The following LRP12 variants were observed in gnomAD, a reference collection of about 807,000 sequenced individuals.
LRP12 encodes the protein low-density lipoprotein receptor-related protein 12.
LRP12 carries 14 observed loss-of-function variants against 66.0 expected under a neutral mutation model. The ratio of observed to expected loss-of-function variants is 0.21; its 90% CI spans 0.14 to 0.33. The LOEUF (loss-of-function observed/expected upper bound fraction) is 0.33, where lower values mean the gene tolerates loss of function less well. Among genes scored for constraint, LRP12 ranks in the 10% least tolerant of loss-of-function variants. LRP12 has a pLI of 1.00. For synonymous variants in LRP12, 357 were observed against 359.1 expected, an observed-to-expected ratio of 0.99 and a Z score of 0.07; for missense variants, 889 against 1,053.4, an observed-to-expected ratio of 0.84 and a Z score of 2.16.
Position 104,490,745 on chromosome 8 carries a change from C to G in LRP12, c.2508G>C (p.Gln836His). ...CERCGIVHTA[Q>H]IPDTCLEVTL... The stretch of plus-strand genomic sequence containing the variant: ...TTACTTCTAAGCAAGTGTCTGGTAT[C>G]TGGGCAGTGTGGACAATACCACAGC... Residue 836 changes from glutamine (Q) to histidine (H), a missense_variant, in exon 7 of 7, where the codon CAG becomes CAC. Around this residue, in one of 3 missense-constraint regions of LRP12, gnomAD observed 800 missense variants for 964.5 expected, o/e 0.83. Coordinates refer to ENST00000276654, the MANE Select transcript of LRP12 (RefSeq NM_013437.5). 1.9e-6 allele frequency: 3 copies of G among 1,614,056 alleles called. No homozygotes were observed. The highest frequency in any genetic ancestry group is 2.5e-6 in the Non-Finnish European group (3 of 1,179,996).
intron 1 of LRP12, among the ~76,000 whole-genome samples, chr8:104,542,708 GTTGA>G (rs1811497168): frequency 6.6e-6 from 1 of 152,044 alleles, no homozygotes; most frequent in Non-Finnish European, 1.5e-5. Flanking sequence ...AACACAAACA[GTTGA>G]TTAACACATA....
rs529896911 is a variant in LRP12 at position 104,515,347 on chromosome 8, G to A, written c.137-6273C>T. Among the ~76,000 whole-genome samples, 20 of 152,250 alleles carry A rather than the reference G, an allele frequency of 1.3e-4. No individual in the cohort carries two copies. In the South Asian group the frequency reaches 1.7e-3, roughly 13 times the overall value. On this transcript the variant is annotated intron_variant, in intron 2 of 6. Coordinates refer to ENST00000276654, the MANE Select transcript of LRP12 (RefSeq NM_013437.5). ...ATTGGCAAATAAATAAATCTTGTCA[G>A]TACAATGCAAAATTATGTAAGATCT...
intron 1 of LRP12, among the ~76,000 whole-genome samples, chr8:104,570,847 AG>A (rs1223205005): frequency 6.6e-6 from 1 of 152,170 alleles, no homozygotes; most frequent in East Asian, 1.9e-4. Flanking sequence ...ACAGATTCAG[AG>A]GGGGGAAAAA....
intron 1 of LRP12, among the ~76,000 whole-genome samples, chr8:104,542,602 C>T (rs1223313257): frequency 6.6e-6 from 1 of 152,122 alleles, no homozygotes; most frequent in African/African-American, 2.4e-5. Context: ...GTTAGGGGTG[C>T]TAACCCTTCT....
chr8:104,558,304 TAC>T (rs765080457), intron 1 of LRP12, among the ~76,000 whole-genome samples: 6 of 152,036 alleles, frequency 3.9e-5, no homozygotes, highest in Non-Finnish European at 7.4e-5. Context: ...GCCCAACACT[TAC>T]AGTCAATTGA....
chr8:104,501,253 C>T (rs1350977517), intron 3 of LRP12, among the ~76,000 whole-genome samples: 4 of 151,992 alleles, frequency 2.6e-5, no homozygotes, highest in African/African-American at 9.7e-5. Context: ...TAGTCACTGA[C>T]GGGTGTGATC....
chr8:104,498,395 A>C (rs1462976246), intron 4 of LRP12, among the ~76,000 whole-genome samples: 1 of 150,518 alleles, frequency 6.6e-6, no homozygotes, highest in Non-Finnish European at 1.5e-5. Context: ...CTCCCTAGAA[A>C]GGCCACAATA....
chr8:104,513,058 C>T (rs559113509), intron 2 of LRP12, among the ~76,000 whole-genome samples: 58 of 152,120 alleles, frequency 3.8e-4, no homozygotes, highest in Admixed American at 9.2e-4. Context: ...TAGCCAGTGG[C>T]TTTTTTTCAA....
intron 1 of LRP12, among the ~76,000 whole-genome samples, chr8:104,562,004 C>T (rs535925738): frequency 8.5e-5 from 13 of 152,190 alleles, no homozygotes; most frequent in Non-Finnish European, 1.6e-4. Flanking sequence ...ATTATCACAA[C>T]ATTTTACTGC....
At chr8:104,529,917 G>A (rs752285694) in intron 2 of LRP12, among the ~76,000 whole-genome samples, 6 of 151,968 alleles carry the variant, frequency 3.9e-5, no homozygotes, top group Non-Finnish European at 7.4e-5. Context: ...CCAATTATAC[G>A]TCACTGTGAG....
At chr8:104,507,632 A>T (rs575497270) in intron 3 of LRP12, 1 of 152,328 alleles carries the variant, frequency 6.6e-6, no homozygotes, top group African/African-American at 2.4e-5. Context: ...AGTAACAGAA[A>T]ATAGGTATAT....
chr8:104,572,064 C>T (rs1812087210), intron 1 of LRP12, among the ~76,000 whole-genome samples: 1 of 152,168 alleles, frequency 6.6e-6, no homozygotes. Context: ...TGTGGTATAT[C>T]CATAAAATGG....
At chr8:104,563,485 T>C (rs962909651) in intron 1 of LRP12, among the ~76,000 whole-genome samples, 1 of 152,110 alleles carries the variant, frequency 6.6e-6, no homozygotes, top group African/African-American at 2.4e-5. Flanking sequence ...TATTAACAAA[T>C]GATAAGCAAA....
chr8:104,515,927 AT>A (rs1443204559), intron 2 of LRP12, among the ~76,000 whole-genome samples: 1 of 151,994 alleles, frequency 6.6e-6, no homozygotes, highest in African/African-American at 2.4e-5. Context: ...TACTATTTTT[AT>A]TTTTTTATAA....
intron 1 of LRP12, among the ~76,000 whole-genome samples, chr8:104,547,780 T>C (rs1303012015): frequency 6.2e-5 from 8 of 129,830 alleles, no homozygotes; most frequent in Non-Finnish European, 1.2e-4. Flanking sequence ...TTATATTTTG[T>C]ATATAATATA....
chr8:104,509,454 G>A (rs187816677), intron 2 of LRP12, among the ~76,000 whole-genome samples: 19 of 152,248 alleles, frequency 1.2e-4, no homozygotes, highest in Non-Finnish European at 2.4e-4. Context: ...TGTCCCTCCC[G>A]GGACATGAAT....
intron 6 of LRP12, among the ~76,000 whole-genome samples, chr8:104,494,787 G>A (rs180910874): frequency 1.1e-4 from 16 of 152,176 alleles, no homozygotes; most frequent in Admixed American, 3.3e-4. Flanking sequence ...AGATGTTCAG[G>A]TCAAGTAAAA....
At chr8:104,557,647 C>T (rs779056124) in intron 1 of LRP12, among the ~76,000 whole-genome samples, 16 of 152,128 alleles carry the variant, frequency 1.1e-4, no homozygotes, top group Non-Finnish European at 1.9e-4. Flanking sequence ...AAACACATCC[C>T]ATGCTCATGG....
rs1812387615 is a variant in LRP12 at position 104,588,964 on chromosome 8, ACGCCGACGCCGCCGCCGCCGCCGC to A, written c.-91_-68del. On this transcript the variant is annotated 5_prime_UTR_variant, in exon 1 of 7. Transcript: ENST00000276654. ...AGGGAGGAGAAGCTGGAGGTAGACG[ACGCCGACGCCGCCGCCGCCGCCGC>A]CGCCGCCGCCGAGCCACCGGCTGCT... The A allele has an allele frequency of 9.9e-6, 9 of 905,708 alleles. No homozygotes were observed. Among genetic ancestry groups the A allele is most frequent in the East Asian group, 7.1e-5 (2 of 28,364 alleles). 56.1% of individuals were successfully genotyped at this position (905,708 alleles called of 1,614,324 possible). A position where few individuals can be genotyped will look rare whatever the true frequency, so the allele number is the denominator to read the frequency against.
Sources: gnomAD v4.1 joint callset for allele counts (sites outside exome capture counted in the v4.1 genomes callset) on GRCh38, gnomAD v4.1.1 for gene constraint, gnomAD v4.1.1 regional missense constraint, MANE v1.5 for transcripts, NCBI Gene and HGNC (gene_info 2026-07-23, HGNC 2026-07-21) for gene names.